CPVL: variants seen among roughly 807,000 people sequenced by gnomAD.
CPVL encodes the protein probable serine carboxypeptidase CPVL.
CPVL carries 51 observed loss-of-function variants against 63.7 expected under a neutral mutation model. The ratio of observed to expected loss-of-function variants is 0.80; its 90% CI spans 0.64 to 1.01. The LOEUF (loss-of-function observed/expected upper bound fraction) is 1.01. Ranked by LOEUF, CPVL falls within the 50% of genes least tolerant of loss-of-function variation. CPVL has a pLI of 0.00. For synonymous variants in CPVL, 195 were observed against 206.0 expected, an observed-to-expected ratio of 0.95 and a Z score of 0.46; for missense variants, 530 against 573.1, an observed-to-expected ratio of 0.92 and a Z score of 0.77.
At chr7:29,157,436 C>T (rs1042019099) in intron 5 of CPVL, among the ~76,000 whole-genome samples, 6 of 120,560 alleles carry the variant, frequency 5.0e-5, no homozygotes, top group Admixed American at 9.4e-5. Context: ...ATGGCGTTAT[C>T]TCAGTCACTA....
chr7:29,158,861 C>A (rs191939623), intron 5 of CPVL, among the ~76,000 whole-genome samples: 6 of 152,320 alleles, frequency 3.9e-5, no homozygotes, highest in Admixed American at 2.0e-4. Context: ...CAACACATTT[C>A]AGCTCTGTAT....
intron 1 of CPVL, among the ~76,000 whole-genome samples, chr7:29,134,224 G>T (rs182128204): frequency 6.6e-6 from 1 of 152,312 alleles, no homozygotes; most frequent in Admixed American, 6.5e-5. Flanking sequence ...GGAGACTGAA[G>T]AATTCTTCTT....
At chr7:29,069,957 T>C (rs1468253024) in intron 9 of CPVL, among the ~76,000 whole-genome samples, 1 of 152,196 alleles carries the variant, frequency 6.6e-6, no homozygotes, top group Admixed American at 6.5e-5. Context: ...ATTTTAGGCT[T>C]GAGATTCTGA....
intron 4 of CPVL, among the ~76,000 whole-genome samples, 159 bp from the exon 5 acceptor site, chr7:29,095,301 C>A (rs1786293654): frequency 6.6e-6 from 1 of 152,150 alleles, no homozygotes; most frequent in Non-Finnish European, 1.5e-5. Flanking sequence ...CAGGCACCTG[C>A]ACCTTTACCC....
At position 29,072,997 on chromosome 7, in the gene CPVL, T is replaced by C. The variant is rs575111283; in HGVS notation, c.610-574A>G. Among the ~76,000 whole-genome samples, 88 of 152,364 alleles carry C rather than the reference T, an allele frequency of 5.8e-4. 2 individuals carry two copies. The South Asian group carries it at 8.7e-3, about 15-fold the overall frequency. ...GTAGATATATTTCCCCTAACAAACA[T>C]GGTAACGGTTCTACTTTAAGACTGT... On this transcript the variant is annotated intron_variant, in intron 7 of 12. Transcript: ENST00000265394.
chr7:29,112,080 C>G (rs533785049), intron 3 of CPVL, among the ~76,000 whole-genome samples: 5 of 152,252 alleles, frequency 3.3e-5, no homozygotes, highest in Non-Finnish European at 7.3e-5. Context: ...ATACCCACCT[C>G]TGTCTATAGA....
intron 1 of CPVL, among the ~76,000 whole-genome samples, chr7:29,121,473 A>G (rs1789364201): frequency 6.6e-6 from 1 of 152,168 alleles, no homozygotes; most frequent in Admixed American, 6.5e-5. Context: ...TTTAAAATGC[A>G]GTTTGGAAAG....
intron 12 of CPVL, among the ~76,000 whole-genome samples, chr7:29,002,403 C>T (rs1228389371): frequency 6.6e-6 from 1 of 152,148 alleles, no homozygotes; most frequent in Admixed American, 6.5e-5. Flanking sequence ...GGTGATATGC[C>T]TCTACTCTGT....
At chr7:29,169,262 G>C (rs549210123) in intron 5 of CPVL, among the ~76,000 whole-genome samples, 35 of 152,188 alleles carry the variant, frequency 2.3e-4, no homozygotes, top group African/African-American at 7.9e-4. Context: ...TACCATTGTA[G>C]AAGATTCTGG....
Position 29,030,695 on chromosome 7 carries a change from A to G in CPVL, c.1202T>C (p.Met401Thr), listed in dbSNP as rs775268596. 1.1e-5 allele frequency: 18 copies of G among 1,613,604 alleles called. No homozygotes were observed. Among genetic ancestry groups the G allele is most frequent in the Non-Finnish European group, 1.5e-5 (18 of 1,179,852 alleles). ...CTGGGATCCTTTCCAGTCCATGCCC[A>G]TCAAGGAGCGCTCTGTCAGGGCAGC... ...VAAALTERSL[M>T]GMDWKGSQEY... is the part of the protein sequence containing the mutation. The change falls in exon 12 of 13, where the codon ATG becomes ACG. Residue 401 changes from methionine to threonine, a missense_variant. Transcript: ENST00000265394.
At chr7:29,023,019 G>A (rs1787163613) in intron 12 of CPVL, among the ~76,000 whole-genome samples, 2 of 152,228 alleles carry the variant, frequency 1.3e-5, no homozygotes, top group South Asian at 2.1e-4. Flanking sequence ...CTTGGGGCTG[G>A]GGGACTGGCC....
chr7:29,067,501 C>G (rs1783253354), intron 9 of CPVL, among the ~76,000 whole-genome samples: 1 of 152,092 alleles, frequency 6.6e-6, no homozygotes, highest in Admixed American at 6.5e-5. Context: ...CACCTATGAA[C>G]CAAGTGATAC....
intron 12 of CPVL, among the ~76,000 whole-genome samples, chr7:29,024,422 C>T (rs1787295956): frequency 1.3e-5 from 2 of 152,142 alleles, no homozygotes; most frequent in Non-Finnish European, 1.5e-5. Context: ...GCATAGAAAG[C>T]TTACTTAATG....
At chr7:29,030,854 A>G (rs1787958695) in intron 11 of CPVL, 95 bp from the exon 12 acceptor site, 1 of 1,008,904 alleles carries the variant, frequency 9.9e-7, no homozygotes, top group Non-Finnish European at 1.4e-6. Flanking sequence ...GAGAGAGAAA[A>G]AGAGACATGA....
chr7:29,109,359 A>G (rs570925543), intron 3 of CPVL, among the ~76,000 whole-genome samples: 3 of 152,320 alleles, frequency 2.0e-5, no homozygotes, highest in South Asian at 2.1e-4. Context: ...CAAGTGTGCC[A>G]TCCTTCCTGG....
chr7:29,012,196 G>A (rs1046995355), intron 12 of CPVL: 1 of 151,746 alleles, frequency 6.6e-6, no homozygotes, highest in Admixed American at 6.6e-5. Context: ...TCTTTGCTTT[G>A]ACATGGAATT....
Position 29,051,350 on chromosome 7 carries a change from C to T in CPVL, c.1137+12711G>A, listed in dbSNP as rs376420934. Among the ~76,000 whole-genome samples, 9 of 152,168 alleles carry T rather than the reference C, an allele frequency of 5.9e-5. No individual in the cohort carries two copies. The East Asian group carries it at 1.5e-3, about 26-fold the overall frequency. On this transcript the variant is annotated intron_variant, in intron 11 of 12. Coordinates refer to ENST00000265394, the MANE Select transcript of CPVL (RefSeq NM_031311.5). ...TGGGAGAAAATCTTCACAATCTATACATCTGACAAAGGACTAATATCCAGA... is the reference window on the plus strand; with the variant it reads ...TGGGAGAAAATCTTCACAATCTATATATCTGACAAAGGACTAATATCCAGA...
downstream of CPVL, among the ~76,000 whole-genome samples, chr7:28,994,838 AGAAG>A (rs1335998902): frequency 6.6e-6 from 1 of 152,222 alleles, no homozygotes; most frequent in Non-Finnish European, 1.5e-5. Context: ...GGGTAATATG[AGAAG>A]GAAGTGATGT....
chr7:29,115,481 G>T (rs920907309), intron 2 of CPVL, among the ~76,000 whole-genome samples: 1 of 152,088 alleles, frequency 6.6e-6, no homozygotes, highest in African/African-American at 2.4e-5. Flanking sequence ...CACTCTTCCC[G>T]CCATCTGTCG....
Sources: gnomAD v4.1 joint callset for allele counts (sites outside exome capture counted in the v4.1 genomes callset) on GRCh38, gnomAD v4.1.1 for gene constraint, MANE v1.5 for transcripts, NCBI Gene and HGNC (gene_info 2026-07-23, HGNC 2026-07-21) for gene names.